The following ANKRD18B variants were observed in gnomAD, a reference collection of about 807,000 sequenced individuals.
The protein encoded by ANKRD18B is ankyrin repeat domain 18B, also known as ankyrin repeat domain-containing protein 18B.
ANKRD18B carries 75 observed loss-of-function variants against 111.8 expected under a neutral mutation model. That is an observed-to-expected ratio of 0.67 (90% confidence interval 0.56 to 0.81). The LOEUF (loss-of-function observed/expected upper bound fraction) is 0.81, where lower values mean the gene tolerates loss of function less well. ANKRD18B is among the 40% of genes least tolerant of loss of function. ANKRD18B has a pLI of 0.00. For synonymous variants in ANKRD18B, 356 were observed against 417.3 expected, an observed-to-expected ratio of 0.85 and a Z score of 1.79; for missense variants, 1,038 against 1,225.5, an observed-to-expected ratio of 0.85 and a Z score of 2.28.
intron 14 of ANKRD18B, among the ~76,000 whole-genome samples, chr9:33,558,494 G>A (rs771267953): frequency 9.2e-5 from 14 of 151,998 alleles, no homozygotes; most frequent in Admixed American, 4.6e-4. Flanking sequence ...TAACAGCTTC[G>A]AGTTCATCCA....
At position 33,529,115 on chromosome 9, in the gene ANKRD18B, G is replaced by T; in HGVS notation, c.437G>T (p.Gly146Val). The T allele has an allele frequency of 1.2e-6, 2 of 1,611,892 alleles. No individual in the cohort carries two copies. The highest frequency in any genetic ancestry group is 1.7e-6 in the Non-Finnish European group (2 of 1,179,842). The change falls in exon 3 of 19, where the codon GGG (glycine) becomes GTG (valine). Residue 146 changes from glycine to valine, a missense_variant. This residue lies in a region of ANKRD18B where 216 missense variants were observed against 205.1 expected (regional missense o/e 1.05). Coordinates refer to ENST00000684830, the MANE Select transcript of ANKRD18B (RefSeq NM_001393611.1). Reference sequence around the variant, plus strand: ...CTCCATTATGCCGTGTATAATGAGGGGACTTCACTGGCAGAAAGACTGCTT... The same window carrying T: ...CTCCATTATGCCGTGTATAATGAGGTGACTTCACTGGCAGAAAGACTGCTT... ...TALHYAVYNE[G>V]TSLAERLLSH...
chr9:33,554,923 T>C (rs1828500169), intron 12 of ANKRD18B, among the ~76,000 whole-genome samples: 1 of 151,384 alleles, frequency 6.6e-6, no homozygotes, highest in Non-Finnish European at 1.5e-5. Context: ...AACTTAGGAT[T>C]ACACATGACC....
intron 3 of ANKRD18B, among the ~76,000 whole-genome samples, chr9:33,531,198 T>C (rs1828110406): frequency 1.3e-5 from 2 of 152,312 alleles, no homozygotes; most frequent in South Asian, 4.1e-4. Flanking sequence ...TACACATAGA[T>C]TGCAAATGAA....
At chr9:33,571,812 C>G (rs1414141859) in intron 18 of ANKRD18B, 1 of 155,610 alleles carries the variant, frequency 6.4e-6, no homozygotes, top group African/African-American at 2.4e-5. Context: ...GGATCTTTGC[C>G]TTCGCCTCTT....
chr9:33,555,115 T>A (rs991131628), intron 12 of ANKRD18B, among the ~76,000 whole-genome samples: 2 of 151,106 alleles, frequency 1.3e-5, no homozygotes, highest in Admixed American at 1.3e-4. Context: ...AACAGGATAA[T>A]AGAAAAGCCA....
chr9:33,534,855 C>A (rs1828173342), intron 5 of ANKRD18B, among the ~76,000 whole-genome samples: 2 of 122,024 alleles, frequency 1.6e-5, no homozygotes, highest in East Asian at 2.4e-4. Flanking sequence ...GAGACAAGGT[C>A]TCACTCTGTT....
At chr9:33,530,958 CAGTT>C (rs547623489) in intron 3 of ANKRD18B, among the ~76,000 whole-genome samples, 65 of 152,158 alleles carry the variant, frequency 4.3e-4, no homozygotes, top group Non-Finnish European at 8.1e-4. Flanking sequence ...GAGATTTTCT[CAGTT>C]AGATCAGTAG....
At chr9:33,573,576 C>T (rs1253155175), downstream of ANKRD18B, among the ~76,000 whole-genome samples, 1 of 144,944 alleles carries the variant, frequency 6.9e-6, no homozygotes, top group African/African-American at 2.4e-5. Flanking sequence ...GAGGGCCTTG[C>T]GGGGTGAGTG....
At chr9:33,560,017 A>G (rs1281898196) in intron 14 of ANKRD18B, among the ~76,000 whole-genome samples, 1 of 152,218 alleles carries the variant, frequency 6.6e-6, no homozygotes, top group African/African-American at 2.4e-5. Context: ...AGATTTGCGT[A>G]TAAGCCTCTG....
chr9:33,559,342 G>A (rs1474985732), intron 14 of ANKRD18B, among the ~76,000 whole-genome samples: 1 of 152,038 alleles, frequency 6.6e-6, no homozygotes, highest in Non-Finnish European at 1.5e-5. Flanking sequence ...CAATCTCTTG[G>A]CCCTGCAACA....
chr9:33,552,007 T>G (rs1025216235), intron 12 of ANKRD18B, among the ~76,000 whole-genome samples: 6 of 152,274 alleles, frequency 3.9e-5, no homozygotes, highest in African/African-American at 1.4e-4. Context: ...AAGATAATTT[T>G]GTCTTAACAT....
chr9:33,528,235 A>G (rs912257346), intron 1 of ANKRD18B, among the ~76,000 whole-genome samples: 5 of 152,244 alleles, frequency 3.3e-5, no homozygotes, highest in African/African-American at 9.6e-5. Context: ...TACAAGTGCC[A>G]GGCTGCAGTG....
chr9:33,566,184 C>T, intron 14 of ANKRD18B, 35 bp from the exon 15 acceptor site: 1 of 1,513,814 alleles, frequency 6.6e-7, no homozygotes, highest in Non-Finnish European at 8.9e-7. Flanking sequence ...TCTCAGCCTA[C>T]TTCATTATCA....
In ANKRD18B at chr9:33,550,487, T is replaced by A. The variant is rs1160149118; in HGVS notation, c.2125T>A (p.Ser709Thr). The change falls in exon 12 of 19, where the codon TCA becomes ACA. Residue 709 changes from serine to threonine, a missense_variant. This residue lies in a region of ANKRD18B where 524 missense variants were observed against 677.9 expected (regional missense o/e 0.77). Transcript: ENST00000684830. Reference protein sequence around the residue: ...LVDHLKKFSMSESPLEGTSHC... With the variant: ...LVDHLKKFSMTESPLEGTSHC... ...CGATCATCTTAAAAAATTTTCAATGTCAGAGTCTCCACTGGAAGGTACATC... is the reference window on the plus strand; with the variant it reads ...CGATCATCTTAAAAAATTTTCAATGACAGAGTCTCCACTGGAAGGTACATC... The A allele has an allele frequency of 3.1e-5, 48 of 1,548,426 alleles. No homozygotes were observed. The highest frequency in any genetic ancestry group is 3.8e-5 in the Non-Finnish European group (43 of 1,145,598).
intron 9 of ANKRD18B, among the ~76,000 whole-genome samples, chr9:33,542,722 G>C (rs1036960377): frequency 6.6e-6 from 1 of 152,066 alleles, no homozygotes; most frequent in Non-Finnish European, 1.5e-5. Context: ...GAACTGTAGA[G>C]GAAAATATTT....
chr9:33,524,565 C>T lies in ANKRD18B; in HGVS notation c.76C>T (p.Arg26Trp), dbSNP rs1563896892. The T allele has an allele frequency of 6.4e-7, 1 of 1,551,242 alleles. No individual in the cohort carries two copies. The highest frequency in any genetic ancestry group is 8.7e-7 in the Non-Finnish European group (1 of 1,146,820). ...LSSMDQEYAG[R>W]GYHIRDWELR... is the part of the protein sequence containing the mutation. ...CTCCATGGACCAAGAGTATGCGGGT[C>T]GGGGGTACCACATTCGGGACTGGGA... The change falls in exon 1 of 19, where the codon CGG (arginine) becomes TGG (tryptophan). Residue 26 changes from arginine (R) to tryptophan (W), a missense_variant. Arg to Trp is a moderately radical substitution (Grantham distance 101). This residue lies in a region of ANKRD18B where 216 missense variants were observed against 205.1 expected (regional missense o/e 1.05). Coordinates refer to ENST00000684830, the MANE Select transcript of ANKRD18B (RefSeq NM_001393611.1).
rs1192518628 is a variant in ANKRD18B at position 33,533,521 on chromosome 9, T to C, written c.578T>C (p.Ile193Thr). Reference sequence around the variant, plus strand: ...TTTTTATTGAAGAACCAGGCAAATATACATGCCGTTGACAATTTCAAAAGG... The same window carrying C: ...TTTTTATTGAAGAACCAGGCAAATACACATGCCGTTGACAATTTCAAAAGG... ...VEFLLKNQAN[I>T]HAVDNFKRTA... Residue 193 changes from isoleucine (I) to threonine (T), a missense_variant, in exon 4 of 19, where the codon ATA becomes ACA. By Grantham distance (89) the Ile-to-Thr change is moderately conservative (BLOSUM62 -1). Coordinates refer to ENST00000684830, the MANE Select transcript of ANKRD18B (RefSeq NM_001393611.1). The C allele has an allele frequency of 1.3e-6, 2 of 1,526,810 alleles. No homozygotes were observed. The highest frequency in any genetic ancestry group is 1.8e-6 in the Non-Finnish European group (2 of 1,140,336). 94.6% of individuals were successfully genotyped at this position (1,526,810 alleles called of 1,614,324 possible). A position where few individuals can be genotyped will look rare whatever the true frequency, so the allele number is the denominator to read the frequency against.
chr9:33,528,692 A>C, intron 1 of ANKRD18B, 35 bp from the exon 2 acceptor site: 1 of 1,513,926 alleles, frequency 6.6e-7, no homozygotes, highest in South Asian at 1.2e-5. Context: ...GAGATATTGC[A>C]CTACATTTCC....
chr9:33,548,879 C>T, intron 11 of ANKRD18B, 24 bp downstream of exon 11: 2 of 1,445,092 alleles, frequency 1.4e-6, no homozygotes, highest in South Asian at 3.1e-5. Flanking sequence ...AAACTATAAC[C>T]TTCTGGAAAG....
Sources: gnomAD v4.1 joint callset for allele counts (sites outside exome capture counted in the v4.1 genomes callset) on GRCh38, gnomAD v4.1.1 for gene constraint, gnomAD v4.1.1 regional missense constraint, MANE v1.5 for transcripts, NCBI Gene and HGNC (gene_info 2026-07-23, HGNC 2026-07-21) for gene names.